Variants in RILPL2 observed in about 807,000 individuals in gnomAD.
RILPL2 encodes the protein RILP-like protein 2.
A neutral mutation model predicts 22.2 loss-of-function variants in RILPL2; 19 were observed. The observed-to-expected ratio is 0.86, with a 90% CI of 0.60 to 1.25. RILPL2 has a LOEUF of 1.25. RILPL2 is among the 50% of genes most tolerant of loss of function. The pLI is 0.00. For missense variants in RILPL2, 243 were observed against 263.6 expected (o/e 0.92, Z 0.54); for synonymous variants, 123 against 111.6 (o/e 1.10, Z -0.64).
chr12:123,415,875 AC>A lies in RILPL2; in HGVS notation c.*15del, dbSNP rs1287583114. On this transcript the variant is annotated 3_prime_UTR_variant, in exon 4 of 4. Coordinates refer to ENST00000280571, the MANE Select transcript of RILPL2 (RefSeq NM_145058.3). The stretch of plus-strand genomic sequence containing the variant: ...CTTCTAGAATCAGAGCCATAGCCTT[AC>A]TTGTGGCCTTGGATCTAGGTCTGTT... 1 of 1,613,894 alleles carries A rather than the reference AC, an allele frequency of 6.2e-7. No individual in the cohort carries two copies. Among genetic ancestry groups the A allele is most frequent in the Non-Finnish European group, 8.5e-7 (1 of 1,179,774 alleles).
At chr12:123,424,331 A>ATTTTTTTT (rs56046247) in intron 2 of RILPL2, among the ~76,000 whole-genome samples, 7 of 135,180 alleles carry the variant, frequency 5.2e-5, no homozygotes, top group Admixed American at 1.6e-4. Flanking sequence ...TAAGAGTTAG[A>ATTTTTTTT]TTTTTTTTTT....
chr12:123,430,951 G>A (rs981870261), intron 1 of RILPL2, among the ~76,000 whole-genome samples: 10 of 151,964 alleles, frequency 6.6e-5, no homozygotes, highest in Non-Finnish European at 1.3e-4. Flanking sequence ...TGCCTGCCTC[G>A]GCCTCCCAAA....
chr12:123,409,714 CTTTTTTTTTTTTTTTT>C, the RILPL2 span, among the ~76,000 whole-genome samples: 3,642 of 90,678 alleles, frequency 0.04, 280 homozygotes, highest in African/African-American at 0.19. Context: ...CACACCTGGC[CTTTTTTTTTTTTTTTT>C]TTTTTTTTTT....
intron 1 of RILPL2, among the ~76,000 whole-genome samples, chr12:123,435,019 G>GA (rs60453874): frequency 0.69 from 100,373 of 145,704 alleles, 34,362 homozygotes; most frequent in African/African-American, 0.74. Flanking sequence ...TACCAAAAAA[G>GA]AAAAAAAAAA....
At chr12:123,420,972 C>T (rs1186394240) in intron 3 of RILPL2, among the ~76,000 whole-genome samples, 1 of 152,086 alleles carries the variant, frequency 6.6e-6, no homozygotes, top group Non-Finnish European at 1.5e-5. Context: ...AACAGATCTC[C>T]TGAGTAGATG....
intron 3 of RILPL2, among the ~76,000 whole-genome samples, chr12:123,419,009 G>A (rs541186440): frequency 2.1e-5 from 3 of 143,274 alleles, no homozygotes; most frequent in South Asian, 2.2e-4. Context: ...GACCCACTGC[G>A]CCCGGCTTTT....
At chr12:123,435,990 G>A (rs766318209) in intron 1 of RILPL2, 92 bp downstream of exon 1, 2 of 1,442,590 alleles carry the variant, frequency 1.4e-6, no homozygotes, top group Non-Finnish European at 9.2e-7. Flanking sequence ...GAAAAGAGAA[G>A]AGAAAAGAAA....
chr12:123,434,202 T>C (rs1451710413), intron 1 of RILPL2, among the ~76,000 whole-genome samples: 1 of 152,008 alleles, frequency 6.6e-6, no homozygotes, highest in East Asian at 1.9e-4. Context: ...GCGTATCACT[T>C]AAGCCCAGGA....
intron 2 of RILPL2, among the ~76,000 whole-genome samples, chr12:123,428,479 G>A (rs922537098): frequency 6.6e-6 from 1 of 152,128 alleles, no homozygotes; most frequent in Non-Finnish European, 1.5e-5. Flanking sequence ...CCATGAACAC[G>A]GTTCCAACCT....
At chr12:123,414,951 A>AAAAAATG (rs1879072708), downstream of RILPL2, 1 of 151,586 alleles carries the variant, frequency 6.6e-6, no homozygotes, top group South Asian at 2.1e-4. Flanking sequence ...AAAAAAAAAA[A>AAAAAATG]ATCTATAAAC....
chr12:123,430,844 G>A (rs903255405), intron 1 of RILPL2, among the ~76,000 whole-genome samples, 185 bp from the exon 2 acceptor site: 2 of 152,004 alleles, frequency 1.3e-5, no homozygotes, highest in East Asian at 1.9e-4. Flanking sequence ...GATTACAGGC[G>A]CCCGCCATCA....
At chr12:123,415,999 A>G in intron 3 of RILPL2, 78 bp from the exon 4 acceptor site, 2 of 1,430,436 alleles carry the variant, frequency 1.4e-6, no homozygotes, top group Non-Finnish European at 2.0e-6. Flanking sequence ...TAAAATTTCT[A>G]AGTAGCTCTT....
Position 123,436,613 on chromosome 12 carries a change from G to A in RILPL2, c.-193C>T. On this transcript the variant is annotated 5_prime_UTR_variant, in exon 1 of 4. It adds an upstream start codon to the 5' untranslated region. Coordinates refer to ENST00000280571, the MANE Select transcript of RILPL2 (RefSeq NM_145058.3). This position sits in a 1 kb window ranked among gnomAD's most constrained non-coding sequence, Gnocchi z 6.7. ...TCTTGGGCCTGCGCCCCGGCGCACC[G>A]TCCCCGCTGCCAGCCACGCTGGAGA... The A allele has an allele frequency of 3.3e-6, 3 of 903,568 alleles. No individual in the cohort carries two copies. Among genetic ancestry groups the A allele is most frequent in the Non-Finnish European group, 1.6e-6 (1 of 617,674 alleles). 56.0% of individuals were successfully genotyped at this position (903,568 alleles called of 1,614,324 possible).
At chr12:123,421,335 C>T (rs1879276876) in intron 3 of RILPL2, among the ~76,000 whole-genome samples, 2 of 152,154 alleles carry the variant, frequency 1.3e-5, no homozygotes, top group Non-Finnish European at 2.9e-5. Context: ...CTGCATCTGG[C>T]TTAGCTATGG....
chr12:123,418,534 T>C (rs1368638824), intron 3 of RILPL2, among the ~76,000 whole-genome samples: 1 of 152,158 alleles, frequency 6.6e-6, no homozygotes, highest in Non-Finnish European at 1.5e-5. Flanking sequence ...TAGGTTCTGT[T>C]CACTGCTGTA....
At chr12:123,409,714 C>CTT in the RILPL2 span, among the ~76,000 whole-genome samples, 363 of 90,520 alleles carry the variant, frequency 4.0e-3, 44 homozygotes, top group African/African-American at 0.017. Context: ...CACACCTGGC[C>CTT]TTTTTTTTTT....
In RILPL2 at chr12:123,436,639, G is replaced by A. The variant is rs903441728; in HGVS notation, c.-219C>T. 1 of 723,202 alleles carries A rather than the reference G, an allele frequency of 1.4e-6. No homozygotes were observed. The highest frequency in any genetic ancestry group is 2.0e-5 in the South Asian group (1 of 50,584). The allele number at this position is 723,202 out of a possible 1,614,324, so 44.8% of individuals were successfully genotyped here. The stretch of plus-strand genomic sequence containing the variant: ...TCCCCGCTGCCAGCCACGCTGGAGA[G>A]TGCGCTCCAGGATGTGGTTTGGGGC... On this transcript the variant is annotated 5_prime_UTR_variant, in exon 1 of 4. Coordinates refer to ENST00000280571, the MANE Select transcript of RILPL2 (RefSeq NM_145058.3). This position sits in a 1 kb window ranked among gnomAD's most constrained non-coding sequence, Gnocchi z 6.7.
downstream of RILPL2, chr12:123,410,618 T>C (rs1593483126): frequency 1.3e-5 from 2 of 152,012 alleles, no homozygotes; most frequent in Non-Finnish European, 2.9e-5. Context: ...CTTGGGCAGG[T>C]ACGTAGTCTC....
the RILPL2 span, among the ~76,000 whole-genome samples, chr12:123,409,526 G>A: frequency 6.6e-6 from 1 of 150,520 alleles, no homozygotes; most frequent in African/African-American, 2.5e-5. Context: ...GGACCATAGG[G>A]TATGTGAAGA....
Sources: gnomAD v4.1 joint callset for allele counts (sites outside exome capture counted in the v4.1 genomes callset) on GRCh38, gnomAD v4.1.1 for gene constraint, Gnocchi (gnomAD v3.1) non-coding constraint, MANE v1.5 for transcripts, NCBI Gene and HGNC (gene_info 2026-07-23, HGNC 2026-07-21) for gene names.